Variants in SELENOT observed in about 807,000 individuals in gnomAD.
SELENOT encodes thioredoxin reductase-like selenoprotein T.
SELENOT carries 9 observed loss-of-function variants against 24.3 expected under a neutral mutation model. The observed-to-expected ratio is 0.37, with a 90% CI of 0.22 to 0.65. SELENOT has a LOEUF of 0.65. SELENOT is among the 30% of genes least tolerant of loss of function. SELENOT has a pLI of 0.60. For missense variants in SELENOT, 166 were observed against 247.6 expected (o/e 0.67, Z 2.21); for synonymous variants, 81 against 86.0 (o/e 0.94, Z 0.32).
chr3:150,606,476 T>C (rs62284027), intron 1 of SELENOT, among the ~76,000 whole-genome samples: 9,266 of 152,270 alleles, frequency 0.061, 352 homozygotes, highest in Non-Finnish European at 0.091. Flanking sequence ...ATTATGTTGA[T>C]TGAGCAATAT....
chr3:150,619,801 G>C (rs1726299411), intron 1 of SELENOT, among the ~76,000 whole-genome samples: 1 of 152,160 alleles, frequency 6.6e-6, no homozygotes, highest in Non-Finnish European at 1.5e-5. Flanking sequence ...CATTTTGGAA[G>C]ACATCTGTTA....
At chr3:150,622,087 T>G (rs1330528040) in intron 1 of SELENOT, among the ~76,000 whole-genome samples, 1 of 151,704 alleles carries the variant, frequency 6.6e-6, no homozygotes, top group Non-Finnish European at 1.5e-5. Flanking sequence ...TGTCCAACAG[T>G]AACCCAAATC....
At chr3:150,617,089 C>A (rs1726235297) in intron 1 of SELENOT, among the ~76,000 whole-genome samples, 2 of 152,072 alleles carry the variant, frequency 1.3e-5, no homozygotes, top group Non-Finnish European at 2.9e-5. Flanking sequence ...GGTGGTAAGC[C>A]CAGTTGTAAT....
intron 1 of SELENOT, chr3:150,603,718 G>A: frequency 1.1e-5 from 5 of 457,628 alleles, no homozygotes; most frequent in Non-Finnish European, 1.5e-5. Context: ...TTGCCTCCTA[G>A]AACAGTGGGA....
chr3:150,611,278 AC>A lies in SELENOT; in HGVS notation c.137+7781del, dbSNP rs571028473. On this transcript the variant is annotated intron_variant, in intron 1 of 5. Transcript: ENST00000471696. ...CCACATCTAGTGAACACCACTATCAACCTTGAGATCTGATTTGTTCTTGTCA... is the reference window on the plus strand; with the variant it reads ...CCACATCTAGTGAACACCACTATCAACTTGAGATCTGATTTGTTCTTGTCA... The A allele has an allele frequency of 1.9e-4, 239 of 1,282,686 alleles. No homozygotes were observed. The African/African-American group carries it at 3.0e-3, about 16-fold the overall frequency. The allele number at this position is 1,282,686 out of a possible 1,614,324, so 79.5% of individuals were successfully genotyped here. A position where few individuals can be genotyped will look rare whatever the true frequency, so the allele number is the denominator to read the frequency against.
At chr3:150,625,245 G>A (rs1358782771) in intron 4 of SELENOT, among the ~76,000 whole-genome samples, 1 of 151,624 alleles carries the variant, frequency 6.6e-6, no homozygotes, top group East Asian at 1.9e-4. Context: ...TATATCTCTC[G>A]ATCTCTCTCC....
At chr3:150,613,041 G>A (rs997948207) in intron 1 of SELENOT, among the ~76,000 whole-genome samples, 5 of 152,166 alleles carry the variant, frequency 3.3e-5, no homozygotes, top group Admixed American at 1.3e-4. Flanking sequence ...GAAAGAGTCC[G>A]AAAGATTTAA....
intron 3 of SELENOT, among the ~76,000 whole-genome samples, 152 bp from the exon 4 acceptor site, chr3:150,624,660 G>A (rs541659670): frequency 6.6e-6 from 1 of 152,290 alleles, no homozygotes; most frequent in African/African-American, 2.4e-5. Context: ...GTATGGAGCT[G>A]CAAATTAATA....
chr3:150,611,450 G>T, intron 1 of SELENOT: 1 of 1,239,284 alleles, frequency 8.1e-7, no homozygotes, highest in Non-Finnish European at 1.2e-6. Flanking sequence ...TATCTCCTAA[G>T]TGTATTTACT....
chr3:150,614,591 G>A (rs1205756674), intron 1 of SELENOT: 2 of 154,398 alleles, frequency 1.3e-5, no homozygotes, highest in African/African-American at 4.8e-5. Flanking sequence ...CAGCTAGGAA[G>A]AATATTTAAA....
At position 150,604,611 on chromosome 3, in the gene SELENOT, C is replaced by T. The variant is rs564419013; in HGVS notation, c.137+1112C>T. ...ACTTCTCCAACTAGCTTTTTACTTA[C>T]TCACTGAAGACCAAGCAAACCTTTA... is the stretch of plus-strand genomic sequence containing the variant. On this transcript the variant is annotated intron_variant, in intron 1 of 5. Coordinates refer to ENST00000471696, the MANE Select transcript of SELENOT (RefSeq NM_016275.5). Among the ~76,000 whole-genome samples the T allele has an allele frequency of 5.3e-4, 81 of 151,932 alleles. 1 individual carries two copies. In the South Asian group the frequency reaches 0.016, roughly 29 times the overall value.
chr3:150,618,662 C>G (rs1726270775), intron 1 of SELENOT: 1 of 154,154 alleles, frequency 6.5e-6, no homozygotes, highest in Non-Finnish European at 1.5e-5. Context: ...GCTGGTACTT[C>G]AGATACGTGG....
chr3:150,612,849 T>C (rs568347927), intron 1 of SELENOT, among the ~76,000 whole-genome samples: 1 of 152,332 alleles, frequency 6.6e-6, no homozygotes, highest in African/African-American at 2.4e-5. Context: ...ATTAGACATA[T>C]TGTCTAAAAC....
intron 1 of SELENOT, among the ~76,000 whole-genome samples, chr3:150,607,969 G>T (rs899496623): frequency 1.3e-5 from 2 of 152,152 alleles, no homozygotes; most frequent in African/African-American, 4.8e-5. Context: ...ATGGAACTTG[G>T]AAAAGTAAGG....
chr3:150,610,982 A>G (rs138344985), intron 1 of SELENOT, among the ~76,000 whole-genome samples: 473 of 150,438 alleles, frequency 3.1e-3, no homozygotes, highest in Non-Finnish European at 4.8e-3. Context: ...TGGTCTTGCC[A>G]CAGTACTATT....
chr3:150,620,045 T>C (rs964844006), intron 1 of SELENOT, among the ~76,000 whole-genome samples: 3 of 152,208 alleles, frequency 2.0e-5, no homozygotes, highest in South Asian at 2.1e-4. Context: ...TAAATTCTAT[T>C]TGGAGTTTCA....
intron 1 of SELENOT, among the ~76,000 whole-genome samples, chr3:150,613,768 C>T (rs913138567): frequency 6.8e-6 from 1 of 147,562 alleles, no homozygotes; most frequent in Non-Finnish European, 1.5e-5. Flanking sequence ...ATTAGGTTCC[C>T]TAAGATTCTC....
intron 1 of SELENOT, among the ~76,000 whole-genome samples, chr3:150,603,880 C>T (rs1392269051): frequency 6.6e-6 from 1 of 152,254 alleles, no homozygotes; most frequent in Non-Finnish European, 1.5e-5. Flanking sequence ...GGCGGAGGAG[C>T]GCCAACCGTT....
chr3:150,619,812 G>A (rs2108012229), intron 1 of SELENOT, among the ~76,000 whole-genome samples: 1 of 152,298 alleles, frequency 6.6e-6, no homozygotes, highest in East Asian at 1.9e-4. Flanking sequence ...ACATCTGTTA[G>A]CAGTAGTGAT....
Sources: gnomAD v4.1 joint callset for allele counts (sites outside exome capture counted in the v4.1 genomes callset) on GRCh38, gnomAD v4.1.1 for gene constraint, MANE v1.5 for transcripts, NCBI Gene and HGNC (gene_info 2026-07-23, HGNC 2026-07-21) for gene names.